GAPVD1: variants seen among roughly 807,000 people sequenced by gnomAD.
GAPVD1 encodes GTPase-activating protein and VPS9 domain-containing protein 1.
GAPVD1 carries 35 observed loss-of-function variants against 155.5 expected under a neutral mutation model. That is an observed-to-expected ratio of 0.23 (90% CI 0.17 to 0.30). The LOEUF (loss-of-function observed/expected upper bound fraction) is 0.30. GAPVD1 is among the 10% of genes least tolerant of loss of function. The probability of loss-of-function intolerance (pLI) is 1.00; values close to 1 mark genes in which losing one functional copy is unlikely to be tolerated. For missense variants in GAPVD1, 1,429 were observed against 1,775.7 expected (o/e 0.80, Z 3.51); for synonymous variants, 636 against 619.7 (o/e 1.03, Z -0.39).
At chr9:125,287,189 G>A (rs900322357) in intron 2 of GAPVD1, among the ~76,000 whole-genome samples, 2 of 152,088 alleles carry the variant, frequency 1.3e-5, no homozygotes, top group Non-Finnish European at 2.9e-5. Flanking sequence ...TTGGAAATTG[G>A]AACATCTGCA....
Position 125,330,187 on chromosome 9 carries a change from T to G in GAPVD1, c.2142T>G (p.Ala714=). The change falls in exon 13 of 28, where the codon GCT becomes GCG. Residue 714 remains alanine, a synonymous_variant. Coordinates refer to ENST00000297933, the MANE Select transcript of GAPVD1 (RefSeq NM_001282680.3). ...CCATATCAGAGACAACAAGTGAAGC[T>G]TGGAGTGTAGAGGTATTGCCAAGTG... is the stretch of plus-strand genomic sequence containing the variant. ...GSTISETTSE[A]WSVEVLPSDS... The G allele has an allele frequency of 6.2e-7, 1 of 1,612,484 alleles. No individual in the cohort carries two copies. The highest frequency in any genetic ancestry group is 8.5e-7 in the Non-Finnish European group (1 of 1,178,920).
chr9:125,304,434 C>G (rs1452879922), intron 5 of GAPVD1, among the ~76,000 whole-genome samples: 2 of 151,680 alleles, frequency 1.3e-5, no homozygotes, highest in Admixed American at 1.3e-4. Context: ...TTTTGTCATT[C>G]CAGTAGAGAT....
At chr9:125,355,609 T>C (rs1033908085) in intron 24 of GAPVD1, 35 bp from the exon 25 acceptor site, 10 of 1,216,314 alleles carry the variant, frequency 8.2e-6, no homozygotes, top group Non-Finnish European at 1.2e-5. Flanking sequence ...ATAGTTTTTA[T>C]TAAACTATTT....
intron 2 of GAPVD1, among the ~76,000 whole-genome samples, chr9:125,282,017 A>T (rs937157105): frequency 6.6e-6 from 1 of 152,162 alleles, no homozygotes; most frequent in Non-Finnish European, 1.5e-5. Flanking sequence ...TTAGTGGCTC[A>T]TGCCTGTAAT....
chr9:125,281,109 A>G lies in GAPVD1; in HGVS notation c.-150+12125A>G, dbSNP rs550444754. 1.8e-4 allele frequency among the ~76,000 whole-genome samples: 28 copies of G among 152,342 alleles called. 1 individual carries two copies. The highest frequency in any genetic ancestry group is 1.6e-3 in the Admixed American group (25 of 15,296). On this transcript the variant is annotated intron_variant, in intron 2 of 27. Transcript: ENST00000297933. ...AAATATTTTTAGTGTGATAAACACC[A>G]TAATGTGTTAACAGATGTTAATGGG...
At position 125,332,511 on chromosome 9, in the gene GAPVD1, C is replaced by G. The variant is rs775846869; in HGVS notation, c.2310C>G (p.Gly770=). 1 of 1,587,352 alleles carries G rather than the reference C, an allele frequency of 6.3e-7. No homozygotes were observed. Among genetic ancestry groups the G allele is most frequent in the Non-Finnish European group, 8.6e-7 (1 of 1,166,636 alleles). Residue 770 remains glycine, a splice_region_variant and synonymous_variant, in exon 15 of 28, where the codon GGC becomes GGG. Transcript: ENST00000297933. Reference sequence around the variant, plus strand: ...ATTTTTTACTATTGTTTTTTAAAGGCATAAGTGCAACCTCTGAGGATATTC... The same window carrying G: ...ATTTTTTACTATTGTTTTTTAAAGGGATAAGTGCAACCTCTGAGGATATTC... ...PSTPGLSVVS[G]ISATSEDIPN...
At chr9:125,343,726 G>A (rs531545688) in intron 19 of GAPVD1, among the ~76,000 whole-genome samples, 4 of 152,326 alleles carry the variant, frequency 2.6e-5, no homozygotes, top group South Asian at 2.1e-4. Context: ...TGGGTATTAA[G>A]TCAAATCACA....
At chr9:125,265,924 T>TAAAAAAAAAAAAAAAAAAAAAAA (rs1294990326) in intron 1 of GAPVD1, among the ~76,000 whole-genome samples, 1 of 72,694 alleles carries the variant, frequency 1.4e-5, no homozygotes, top group Non-Finnish European at 2.9e-5. Context: ...AAAAAATTTA[T>TAAAAAAAAAAAAAAAAAAAAAAA]AAAAAAAAAA....
intron 19 of GAPVD1, among the ~76,000 whole-genome samples, chr9:125,344,284 T>C (rs907260605): frequency 6.6e-6 from 1 of 152,218 alleles, no homozygotes; most frequent in Non-Finnish European, 1.5e-5. Context: ...TTTTCTTGAC[T>C]GAATTAGATT....
intron 8 of GAPVD1, among the ~76,000 whole-genome samples, chr9:125,312,015 A>T (rs1285023547): frequency 6.6e-6 from 1 of 152,142 alleles, no homozygotes; most frequent in Non-Finnish European, 1.5e-5. Context: ...CCCTCATATG[A>T]AATTTTCTAA....
At chr9:125,304,851 A>G (rs548456185) in intron 5 of GAPVD1, among the ~76,000 whole-genome samples, 1 of 152,346 alleles carries the variant, frequency 6.6e-6, no homozygotes, top group South Asian at 2.1e-4. Context: ...GCAAAAATTT[A>G]TACTTTCTCT....
intron 19 of GAPVD1, among the ~76,000 whole-genome samples, chr9:125,345,036 C>A (rs967891968): frequency 2.6e-5 from 4 of 152,176 alleles, no homozygotes; most frequent in Non-Finnish European, 4.4e-5. Context: ...CTCTTGCCCC[C>A]CCACTTCATA....
Position 125,359,189 on chromosome 9 carries a change from A to G in GAPVD1, c.3972-231A>G, listed in dbSNP as rs199580161. Among the ~76,000 whole-genome samples, 12 of 152,204 alleles carry G rather than the reference A, an allele frequency of 7.9e-5. No homozygotes were observed. In the East Asian group the frequency reaches 2.3e-3, roughly 29 times the overall value. ...TCTTCCTTGCAGTGCTGTCTGGTCCAGAGAGGAAAGACTCCCTCCCCTCCC... is the reference window on the plus strand; with the variant it reads ...TCTTCCTTGCAGTGCTGTCTGGTCCGGAGAGGAAAGACTCCCTCCCCTCCC... On this transcript the variant is annotated intron_variant, in intron 25 of 27. Coordinates refer to ENST00000297933, the MANE Select transcript of GAPVD1 (RefSeq NM_001282680.3).
intron 2 of GAPVD1, among the ~76,000 whole-genome samples, chr9:125,285,934 A>G (rs1020363742): frequency 6.6e-6 from 1 of 151,702 alleles, no homozygotes; most frequent in Non-Finnish European, 1.5e-5. Flanking sequence ...CAGCCTCCTG[A>G]GTAGCTGAGA....
chr9:125,263,506 A>G (rs1177275996), intron 1 of GAPVD1: 6 of 754,060 alleles, frequency 8.0e-6, no homozygotes, highest in Non-Finnish European at 1.4e-5. Flanking sequence ...TTGGATTTAT[A>G]AGTCTACTTA....
In GAPVD1 at chr9:125,307,431, C is replaced by T; in HGVS notation, c.1135C>T (p.Leu379Phe). The change falls in exon 7 of 28, where the codon CTT becomes TTT. Residue 379 changes from leucine (L) to phenylalanine (F), a missense_variant. This residue lies in a region of GAPVD1 where 628 missense variants were observed against 733.4 expected (regional missense o/e 0.86). Coordinates refer to ENST00000297933, the MANE Select transcript of GAPVD1 (RefSeq NM_001282680.3). The part of the protein sequence containing the change: ...KFDKSCVAAF[L>F]DVVIGGRAVE... ...TTAACAGAGCTGTGTTGCCGCTTTC[C>T]TTGATGTTGTGATTGGGGGCCGTGC... The T allele has an allele frequency of 1.2e-6, 2 of 1,606,072 alleles. No homozygotes were observed. The highest frequency in any genetic ancestry group is 1.7e-6 in the Non-Finnish European group (2 of 1,177,128).
rs1851319502 is a variant in GAPVD1, at chr9:125,364,508, T to C, written c.*1762T>C. The C allele has an allele frequency of 6.6e-6, 1 of 152,228 alleles. No individual in the cohort carries two copies. Among genetic ancestry groups the C allele is most frequent in the Admixed American group, 6.5e-5 (1 of 15,284 alleles). 9.4% of individuals were successfully genotyped at this position (152,228 alleles called of 1,614,324 possible). ...ATCCACCCGCCTTGGCCTCCCAAAG[T>C]GCGGGATTACAAGCGTGAACCACCC... On this transcript the variant is annotated 3_prime_UTR_variant, in exon 28 of 28. Transcript: ENST00000297933.
chr9:125,352,988 A>G (rs1468361898), intron 23 of GAPVD1, among the ~76,000 whole-genome samples: 1 of 152,006 alleles, frequency 6.6e-6, no homozygotes, highest in Admixed American at 6.6e-5. Context: ...GGTTCCTGTA[A>G]TCCTAGCTAC....
At chr9:125,342,189 G>A in intron 18 of GAPVD1, 30 bp from the exon 19 acceptor site, 1 of 1,093,970 alleles carries the variant, frequency 9.1e-7, no homozygotes, top group Non-Finnish European at 1.4e-6. Context: ...TATGTTATAT[G>A]TCACACTACT....
Sources: allele counts gnomAD v4.1 joint callset (sites outside exome capture counted in the v4.1 genomes callset), GRCh38; gene constraint gnomAD v4.1.1; regional missense constraint gnomAD v4.1.1; transcripts MANE v1.5; gene names NCBI Gene and HGNC (gene_info 2026-07-23, HGNC 2026-07-21).